Variants in GRID2 observed in about 807,000 individuals in gnomAD.
The protein encoded by GRID2 is glutamate receptor ionotropic, delta-2.
A neutral mutation model predicts 114.8 loss-of-function variants in GRID2; 33 were observed. The ratio of observed to expected loss-of-function variants is 0.29; its 90% CI spans 0.22 to 0.38. The LOEUF (loss-of-function observed/expected upper bound fraction) is 0.38. Ranked by LOEUF, GRID2 falls within the 10% of genes least tolerant of loss-of-function variation. The pLI is 1.00. For synonymous variants in GRID2, 505 were observed against 449.9 expected, an observed-to-expected ratio of 1.12 and a Z score of -1.55; for missense variants, 1,184 against 1,257.7, an observed-to-expected ratio of 0.94 and a Z score of 0.89.
At chr4:93,163,109 G>T (rs998319243) in intron 4 of GRID2, among the ~76,000 whole-genome samples, 3 of 151,358 alleles carry the variant, frequency 2.0e-5, no homozygotes, top group African/African-American at 7.3e-5. Flanking sequence ...TTCCTTTCAG[G>T]TTGTGTGTAT....
intron 2 of GRID2, among the ~76,000 whole-genome samples, chr4:92,634,114 CA>C (rs748692047): frequency 0.014 from 1,857 of 134,376 alleles, 17 homozygotes; most frequent in Non-Finnish European, 0.019. Flanking sequence ...ACAAAAATTG[CA>C]AAAAAAAAAA....
intron 14 of GRID2, among the ~76,000 whole-genome samples, chr4:93,687,886 A>C (rs1726213865): frequency 6.6e-6 from 1 of 152,010 alleles, no homozygotes; most frequent in Non-Finnish European, 1.5e-5. Context: ...ATTCTAATGG[A>C]AATGATCTAG....
At chr4:92,410,126 T>G (rs191280716) in intron 1 of GRID2, among the ~76,000 whole-genome samples, 9 of 152,212 alleles carry the variant, frequency 5.9e-5, no homozygotes, top group African/African-American at 2.2e-4. Context: ...CATTAAACTT[T>G]TTGGGTTTCG....
chr4:93,482,683 C>A (rs1243682624), intron 11 of GRID2, among the ~76,000 whole-genome samples: 1 of 151,646 alleles, frequency 6.6e-6, no homozygotes, highest in African/African-American at 2.4e-5. Context: ...CACGTGTATC[C>A]CAGAACTTAA....
rs1305469992 is a variant in GRID2 at position 92,934,891 on chromosome 4, G to T, written c.245-150104G>T. Among the ~76,000 whole-genome samples the T allele has an allele frequency of 1.4e-5, 2 of 146,962 alleles. 1 individual carries two copies. Among genetic ancestry groups the T allele is most frequent in the Non-Finnish European group, 3.0e-5 (2 of 66,404 alleles). Reference sequence around the variant, plus strand: ...ACACCTTATACCAAAATTAATTCAAGATGGATTAAAGACTTAAACGTTCGA... The same window carrying T: ...ACACCTTATACCAAAATTAATTCAATATGGATTAAAGACTTAAACGTTCGA... On this transcript the variant is annotated intron_variant, in intron 2 of 15. Coordinates refer to ENST00000282020, the MANE Select transcript of GRID2 (RefSeq NM_001510.4).
chr4:93,524,692 A>G (rs920886524), intron 13 of GRID2, among the ~76,000 whole-genome samples: 7 of 150,654 alleles, frequency 4.6e-5, no homozygotes, highest in African/African-American at 1.7e-4. Context: ...ATAAGTTACA[A>G]TGTGTCAAGT....
chr4:93,747,174 T>A (rs1257785185), intron 14 of GRID2, among the ~76,000 whole-genome samples: 1 of 152,138 alleles, frequency 6.6e-6, no homozygotes, highest in African/African-American at 2.4e-5. Context: ...ATAATTTATC[T>A]GGAGGTTTTA....
chr4:93,477,082 C>A (rs1418817560), intron 11 of GRID2, among the ~76,000 whole-genome samples: 1 of 151,842 alleles, frequency 6.6e-6, no homozygotes, highest in Non-Finnish European at 1.5e-5. Context: ...GTGCTGATAT[C>A]TTGTGAGGGC....
At chr4:92,739,628 A>G (rs1286356425) in intron 2 of GRID2, among the ~76,000 whole-genome samples, 3 of 152,196 alleles carry the variant, frequency 2.0e-5, no homozygotes, top group Admixed American at 6.5e-5. Context: ...TATAAAATCT[A>G]TGAATTTCAG....
chr4:92,752,751 A>G (rs1737514599), intron 2 of GRID2, among the ~76,000 whole-genome samples: 1 of 152,164 alleles, frequency 6.6e-6, no homozygotes, highest in African/African-American at 2.4e-5. Context: ...CACCAAATAT[A>G]TATATTGTGG....
At chr4:93,018,610 G>C (rs1043986651) in intron 2 of GRID2, among the ~76,000 whole-genome samples, 1 of 151,862 alleles carries the variant, frequency 6.6e-6, no homozygotes, top group Non-Finnish European at 1.5e-5. Context: ...CAATTCACCA[G>C]GTCTTCACAA....
chr4:93,567,335 G>C (rs1735523529), intron 13 of GRID2, among the ~76,000 whole-genome samples: 1 of 151,982 alleles, frequency 6.6e-6, no homozygotes, highest in Non-Finnish European at 1.5e-5. Context: ...AACAATTTAA[G>C]TTGTAATTTG....
intron 13 of GRID2, among the ~76,000 whole-genome samples, chr4:93,611,834 C>T (rs1032270326): frequency 5.3e-5 from 8 of 151,640 alleles, no homozygotes; most frequent in African/African-American, 1.9e-4. Flanking sequence ...ATTAGGTCCC[C>T]CTGGTGCAGA....
chr4:93,026,751 G>A (rs937412972), intron 2 of GRID2, among the ~76,000 whole-genome samples: 1 of 151,888 alleles, frequency 6.6e-6, no homozygotes, highest in Non-Finnish European at 1.5e-5. Context: ...GCTGGGTGGA[G>A]TATATTTATG....
intron 2 of GRID2, among the ~76,000 whole-genome samples, chr4:93,062,592 A>AT (rs34106463): frequency 6.6e-6 from 1 of 152,036 alleles, no homozygotes; most frequent in Middle Eastern, 3.4e-3. Context: ...ATTCCTCCTG[A>AT]TTTTTTTTGT....
At chr4:92,729,605 T>C (rs1323058168) in intron 2 of GRID2, among the ~76,000 whole-genome samples, 7 of 152,070 alleles carry the variant, frequency 4.6e-5, no homozygotes, top group Admixed American at 4.6e-4. Context: ...TTCAGAATTT[T>C]CAGAAATTCT....
chr4:92,346,888 TGA>T (rs1193047451), intron 1 of GRID2, among the ~76,000 whole-genome samples: 1 of 152,240 alleles, frequency 6.6e-6, no homozygotes, highest in East Asian at 1.9e-4. Context: ...TAGTTGCAAG[TGA>T]TATGTATTTA....
At chr4:92,919,691 G>C (rs1195896264) in intron 2 of GRID2, among the ~76,000 whole-genome samples, 1 of 152,124 alleles carries the variant, frequency 6.6e-6, no homozygotes, top group Non-Finnish European at 1.5e-5. Flanking sequence ...CTGAGTTCTA[G>C]TTTGATTGCA....
At chr4:93,062,366 T>C (rs193252435) in intron 2 of GRID2, among the ~76,000 whole-genome samples, 4 of 152,218 alleles carry the variant, frequency 2.6e-5, no homozygotes, top group African/African-American at 9.6e-5. Context: ...AGAAGTAATC[T>C]AGCAATTATA....
Sources: gnomAD v4.1 joint callset for allele counts (sites outside exome capture counted in the v4.1 genomes callset) on GRCh38, gnomAD v4.1.1 for gene constraint, MANE v1.5 for transcripts, NCBI Gene and HGNC (gene_info 2026-07-23, HGNC 2026-07-21) for gene names.